CNTNAP2: variants seen among roughly 807,000 people sequenced by gnomAD.
CNTNAP2 encodes contactin-associated protein-like 2.
In CNTNAP2, 98 loss-of-function variants were observed where a neutral mutation model predicts 155.2. The observed-to-expected ratio is 0.63, with a 90% CI of 0.54 to 0.75. CNTNAP2 has a LOEUF of 0.75. Among genes scored for constraint, CNTNAP2 ranks in the 30% least tolerant of loss-of-function variants. The pLI is 0.00. For missense variants in CNTNAP2, 1,727 were observed against 1,688.1 expected (o/e 1.02, Z -0.40); for synonymous variants, 651 against 631.2 (o/e 1.03, Z -0.47).
chr7:148,164,962 T>C (rs1327278713), intron 17 of CNTNAP2, among the ~76,000 whole-genome samples: 2 of 152,068 alleles, frequency 1.3e-5, no homozygotes, highest in Admixed American at 6.5e-5. Context: ...CTCTGTACTT[T>C]CCATGGAAAC....
At position 146,505,773 on chromosome 7, in the gene CNTNAP2, C is replaced by T. The variant is rs574679004; in HGVS notation, c.98-268498C>T. 2.4e-3 allele frequency among the ~76,000 whole-genome samples: 366 copies of T among 152,178 alleles called. 3 individuals are homozygous for T. The highest frequency in any genetic ancestry group is 1.0e-3 in the Non-Finnish European group (70 of 67,982). On this transcript the variant is annotated intron_variant, in intron 1 of 23. Coordinates refer to ENST00000361727, the MANE Select transcript of CNTNAP2 (RefSeq NM_014141.6). ...ACAACAGATTACCATTGTCCCCATA[C>T]CTGGTTGGAGGAAGTCATCTTTGGT...
chr7:147,545,359 T>A (rs1460576847), intron 11 of CNTNAP2, among the ~76,000 whole-genome samples: 1 of 152,064 alleles, frequency 6.6e-6, no homozygotes, highest in Non-Finnish European at 1.5e-5. Flanking sequence ...GGGCAATAAT[T>A]GAGTAAATTT....
At chr7:147,033,962 C>T (rs988158225) in intron 3 of CNTNAP2, among the ~76,000 whole-genome samples, 5 of 152,078 alleles carry the variant, frequency 3.3e-5, no homozygotes, top group Admixed American at 6.5e-5. Context: ...TAGGGAAAAA[C>T]GGCTGCTCCA....
chr7:147,866,276 T>C (rs1799224885), intron 13 of CNTNAP2, among the ~76,000 whole-genome samples: 1 of 83,608 alleles, frequency 1.2e-5, no homozygotes, highest in Admixed American at 1.1e-4. Context: ...GATTGCACTG[T>C]GGTCTGAGAG....
At chr7:146,717,078 C>T (rs1261428629) in intron 1 of CNTNAP2, among the ~76,000 whole-genome samples, 1 of 151,546 alleles carries the variant, frequency 6.6e-6, no homozygotes, top group African/African-American at 2.4e-5. Flanking sequence ...AGCAGACCTC[C>T]CCCTGAGTGG....
At chr7:146,353,496 A>G (rs1253816968) in intron 1 of CNTNAP2, among the ~76,000 whole-genome samples, 1 of 152,166 alleles carries the variant, frequency 6.6e-6, no homozygotes, top group Non-Finnish European at 1.5e-5. Flanking sequence ...AAAATCACCC[A>G]TTCAGTGAGT....
intron 1 of CNTNAP2, among the ~76,000 whole-genome samples, chr7:146,731,973 T>G (rs1478181375): frequency 6.6e-6 from 1 of 152,120 alleles, no homozygotes; most frequent in East Asian, 1.9e-4. Flanking sequence ...TGATAGAGAA[T>G]AGAGTGATAT....
intron 13 of CNTNAP2, among the ~76,000 whole-genome samples, chr7:147,758,388 A>G (rs1182975491): frequency 6.6e-6 from 1 of 152,216 alleles, no homozygotes; most frequent in Non-Finnish European, 1.5e-5. Context: ...ATGAGAGGAC[A>G]TTCCTACTGC....
chr7:147,955,716 C>A (rs566309866), intron 14 of CNTNAP2, among the ~76,000 whole-genome samples: 7 of 152,120 alleles, frequency 4.6e-5, no homozygotes, highest in Non-Finnish European at 7.3e-5. Flanking sequence ...CCAAGTGGAT[C>A]GGAAATGTCT....
chr7:148,385,775 TCTCA>T, intron 22 of CNTNAP2, among the ~76,000 whole-genome samples: 1 of 134,788 alleles, frequency 7.4e-6, no homozygotes, highest in South Asian at 2.4e-4. Flanking sequence ...ACAGACAGAG[TCTCA>T]CTCAGTTGCC....
At chr7:146,342,087 C>T (rs554164023) in intron 1 of CNTNAP2, among the ~76,000 whole-genome samples, 13 of 151,970 alleles carry the variant, frequency 8.6e-5, no homozygotes, top group Non-Finnish European at 1.6e-4. Flanking sequence ...ATCATGGTCA[C>T]GGAGGTTGAG....
At chr7:146,138,983 A>G (rs894909251) in intron 1 of CNTNAP2, among the ~76,000 whole-genome samples, 1 of 152,172 alleles carries the variant, frequency 6.6e-6, no homozygotes, top group Non-Finnish European at 1.5e-5. Context: ...TCGAAAATGC[A>G]TTGAATACAG....
chr7:146,878,123 C>T (rs1795465606), intron 3 of CNTNAP2, among the ~76,000 whole-genome samples: 1 of 152,090 alleles, frequency 6.6e-6, no homozygotes, highest in South Asian at 2.1e-4. Flanking sequence ...ATCTTGAATA[C>T]TGTTAATGCA....
At chr7:146,376,254 T>C (rs1397924098) in intron 1 of CNTNAP2, among the ~76,000 whole-genome samples, 1 of 152,170 alleles carries the variant, frequency 6.6e-6, no homozygotes, top group Non-Finnish European at 1.5e-5. Context: ...TTGTAGCTTC[T>C]TTTTTTAAGT....
intron 21 of CNTNAP2, among the ~76,000 whole-genome samples, chr7:148,328,387 C>T (rs1797927520): frequency 6.6e-6 from 1 of 152,146 alleles, no homozygotes; most frequent in Admixed American, 6.5e-5. Flanking sequence ...ATTAGGGAAT[C>T]TGGTATCAAT....
intron 1 of CNTNAP2, among the ~76,000 whole-genome samples, chr7:146,397,208 A>G (rs1325641655): frequency 1.3e-5 from 2 of 152,212 alleles, no homozygotes; most frequent in Non-Finnish European, 2.9e-5. Context: ...CTTGATTGAC[A>G]TGTCTACTTC....
rs757253142 is a variant in CNTNAP2, at chr7:147,210,165, T to C, written c.1348+77656T>C. Among the ~76,000 whole-genome samples the C allele has an allele frequency of 5.1e-4, 77 of 151,958 alleles. 1 individual carries two copies. The highest frequency in any genetic ancestry group is 7.8e-4 in the Non-Finnish European group (53 of 67,886). On this transcript the variant is annotated intron_variant, in intron 8 of 23. Transcript: ENST00000361727. ...GTTTTTTGGAATCGTTTGAGGAGAATTGCTACCAGGTCTTTTTTTGGATGT... is the reference window on the plus strand; with the variant it reads ...GTTTTTTGGAATCGTTTGAGGAGAACTGCTACCAGGTCTTTTTTTGGATGT...
At chr7:148,383,188 CTTT>C (rs34329815) in intron 21 of CNTNAP2, among the ~76,000 whole-genome samples, 2 of 138,976 alleles carry the variant, frequency 1.4e-5, no homozygotes, top group African/African-American at 2.6e-5. Context: ...AATTCTTGTT[CTTT>C]TTTTTTTTTT....
intron 1 of CNTNAP2, among the ~76,000 whole-genome samples, chr7:146,762,554 G>C (rs369410168): frequency 6.6e-6 from 1 of 152,126 alleles, no homozygotes; most frequent in South Asian, 2.1e-4. Flanking sequence ...AGCTGAGATC[G>C]TGCCAGTACA....
Sources: gnomAD v4.1 joint callset for allele counts (sites outside exome capture counted in the v4.1 genomes callset) on GRCh38, gnomAD v4.1.1 for gene constraint, MANE v1.5 for transcripts, NCBI Gene and HGNC (gene_info 2026-07-23, HGNC 2026-07-21) for gene names.